CEP135: variants seen among roughly 807,000 people sequenced by gnomAD.
CEP135 encodes centrosomal protein 135, also known as centrosomal protein of 135 kDa.
A neutral mutation model predicts 157.3 loss-of-function variants in CEP135; 142 were observed. The ratio of observed to expected loss-of-function variants is 0.90; its 90% CI spans 0.79 to 1.04. The LOEUF is 1.04. Among genes scored for constraint, CEP135 ranks in the 50% least tolerant of loss-of-function variants. CEP135 has a pLI of 0.00. For synonymous variants in CEP135, 396 were observed against 439.8 expected (o/e 0.90, Z 1.25); for missense variants, 1,317 against 1,309.2 (o/e 1.01, Z -0.09).
chr4:56,012,694 C>T (rs991304440), intron 21 of CEP135, among the ~76,000 whole-genome samples: 6 of 152,298 alleles, frequency 3.9e-5, no homozygotes, highest in South Asian at 2.1e-4. Context: ...CAAGGTTCAT[C>T]CATATTGTGT....
At chr4:55,982,831 C>A (rs992706203) in intron 13 of CEP135, among the ~76,000 whole-genome samples, 2 of 151,776 alleles carry the variant, frequency 1.3e-5, no homozygotes, top group African/African-American at 4.8e-5. Flanking sequence ...TATCTAGGGT[C>A]AGTACTTTAT....
chr4:55,963,512 G>A (rs907448702), intron 6 of CEP135, among the ~76,000 whole-genome samples: 18 of 152,210 alleles, frequency 1.2e-4, no homozygotes, highest in Non-Finnish European at 4.4e-5. Flanking sequence ...TTGGGAGGCC[G>A]AGGCAGGCGG....
At chr4:56,006,884 TTTG>T (rs1730364767) in intron 17 of CEP135, among the ~76,000 whole-genome samples, 3 of 152,174 alleles carry the variant, frequency 2.0e-5, no homozygotes, top group East Asian at 1.9e-4. Flanking sequence ...TGGCTTGTTT[TTTG>T]TTGTTGTTTT....
At chr4:56,030,514 G>A (rs1248941151) in intron 25 of CEP135, among the ~76,000 whole-genome samples, 1 of 152,194 alleles carries the variant, frequency 6.6e-6, no homozygotes, top group East Asian at 1.9e-4. Context: ...GAGGTGCAGT[G>A]TGCCATCAGA....
chr4:55,987,563 C>G lies in CEP135; in HGVS notation c.1857+2205C>G, dbSNP rs566421395. Among the ~76,000 whole-genome samples the G allele has an allele frequency of 3.9e-5, 6 of 152,290 alleles. No homozygotes were observed. In the South Asian group the frequency reaches 1.2e-3, roughly 32 times the overall value. On this transcript the variant is annotated intron_variant, in intron 14 of 25. Transcript: ENST00000257287. ...AGCTCATCACATTTGTTTCCTGTCT[C>G]TCAGGGGTCACCGGTCATCATTGCC...
intron 21 of CEP135, among the ~76,000 whole-genome samples, chr4:56,013,750 T>C (rs952563419): frequency 6.6e-6 from 1 of 152,202 alleles, no homozygotes; most frequent in African/African-American, 2.4e-5. Flanking sequence ...ATTTTTATCT[T>C]TCAGGAGAAA....
chr4:56,019,327 G>A (rs770262047), intron 22 of CEP135, 26 bp from the exon 23 acceptor site: 4 of 1,567,170 alleles, frequency 2.6e-6, no homozygotes, highest in South Asian at 2.3e-5. Context: ...TTGTACTGAA[G>A]TAATCTTACT....
At chr4:55,949,848 C>A (rs946499466) in intron 1 of CEP135, among the ~76,000 whole-genome samples, 1 of 152,132 alleles carries the variant, frequency 6.6e-6, no homozygotes, top group African/African-American at 2.4e-5. Flanking sequence ...GATTTTAATC[C>A]GTCCTGTGTA....
In CEP135 at chr4:55,991,914, T is replaced by G. The variant is rs1165741735; in HGVS notation, c.1858-20T>G. 2.3e-6 allele frequency: 3 copies of G among 1,307,850 alleles called. No individual in the cohort carries two copies. The highest frequency in any genetic ancestry group is 3.2e-6 in the Non-Finnish European group (3 of 949,266). The allele number at this position is 1,307,850 out of a possible 1,614,324, so 81.0% of individuals were successfully genotyped here. On this transcript the variant is annotated intron_variant, in intron 14 of 25. Coordinates refer to ENST00000257287, the MANE Select transcript of CEP135 (RefSeq NM_025009.5). ...AACGTATTAAGATATATACCTACTG[T>G]TTTTTTATTTAAATTATAGCTTGAA...
chr4:56,008,515 T>C, intron 18 of CEP135, 133 bp downstream of exon 18: 1 of 674,272 alleles, frequency 1.5e-6, no homozygotes, highest in Non-Finnish European at 2.5e-6. Context: ...GGTAGCATCA[T>C]TTTCTCAGTC....
At position 55,982,434 on chromosome 4, in the gene CEP135, T is replaced by C. The variant is rs182730953; in HGVS notation, c.1779+1055T>C. Among the ~76,000 whole-genome samples the C allele has an allele frequency of 2.0e-3, 305 of 152,338 alleles. 2 individuals carry two copies. Among genetic ancestry groups the C allele is most frequent in the African/African-American group, 7.0e-3 (291 of 41,586 alleles). On this transcript the variant is annotated intron_variant, in intron 13 of 25. Transcript: ENST00000257287. ...AATTTCTCCACACTCTCACCATTAC[T>C]TGGTACTATCTGCCTTTTGTATTAT... is the stretch of plus-strand genomic sequence containing the variant.
rs926731508 is a variant in CEP135, at chr4:56,003,108, T to C, written c.2280+3463T>C. On this transcript the variant is annotated intron_variant, in intron 17 of 25. Coordinates refer to ENST00000257287, the MANE Select transcript of CEP135 (RefSeq NM_025009.5). Reference sequence around the variant, plus strand: ...ATTTTATTTATTGGGTCTTCTCTCTTTTTTTATTAGTCAACCTTAAAGGTT... The same window carrying C: ...ATTTTATTTATTGGGTCTTCTCTCTCTTTTTATTAGTCAACCTTAAAGGTT... 2.0e-5 allele frequency among the ~76,000 whole-genome samples: 3 copies of C among 152,314 alleles called. No homozygotes were observed. In the East Asian group the frequency reaches 5.8e-4, roughly 29 times the overall value.
rs1163081683 is a variant in CEP135 at position 55,999,564 on chromosome 4, T to C, written c.2199T>C (p.Asp733=). The C allele has an allele frequency of 1.9e-6, 3 of 1,611,400 alleles. No homozygotes were observed. The Admixed American group carries it at 5.0e-5, about 27-fold the overall frequency. The change falls in exon 17 of 26, where the codon GAT becomes GAC. Residue 733 remains aspartate, a synonymous_variant. Coordinates refer to ENST00000257287, the MANE Select transcript of CEP135 (RefSeq NM_025009.5). The part of the protein sequence containing the change: ...HVMKKTIGVI[D]KEKDFLQETV... ...TGAAAAAGACCATTGGTGTTATTGA[T>C]AAAGAAAAAGACTTTCTCCAGGAGA...
rs79811068 is a variant in CEP135 at position 55,981,575 on chromosome 4, G to T, written c.1779+196G>T. On this transcript the variant is annotated intron_variant, in intron 13 of 25. Coordinates refer to ENST00000257287, the MANE Select transcript of CEP135 (RefSeq NM_025009.5). Reference sequence around the variant, plus strand: ...TGGATTACCTTGCTTATTTGTTTATGTATTATCTTTAGCTTCTTTTGTAGT... The same window carrying T: ...TGGATTACCTTGCTTATTTGTTTATTTATTATCTTTAGCTTCTTTTGTAGT... Among the ~76,000 whole-genome samples, 762 of 152,194 alleles carry T rather than the reference G, an allele frequency of 5.0e-3. 10 individuals are homozygous for T. Among genetic ancestry groups the T allele is most frequent in the African/African-American group, 0.018 (740 of 41,540 alleles).
chr4:55,992,181 C>A, intron 15 of CEP135, 96 bp downstream of exon 15: 1 of 1,218,366 alleles, frequency 8.2e-7, no homozygotes, highest in Non-Finnish European at 1.1e-6. Context: ...GGCCTTTGTG[C>A]AGTAGTTTTA....
chr4:55,998,516 G>T (rs971135021), intron 15 of CEP135, among the ~76,000 whole-genome samples: 3 of 152,090 alleles, frequency 2.0e-5, no homozygotes, highest in African/African-American at 4.8e-5. Flanking sequence ...CCTGCTTTCT[G>T]TCACTCCATT....
intron 17 of CEP135, among the ~76,000 whole-genome samples, chr4:56,006,974 AC>A (rs1421555697): frequency 6.6e-6 from 1 of 151,952 alleles, no homozygotes. Context: ...ACTCACTGCA[AC>A]CTCCGTCTCC....
At chr4:55,976,117 A>G (rs1729205373) in intron 11 of CEP135, among the ~76,000 whole-genome samples, 1 of 151,878 alleles carries the variant, frequency 6.6e-6, no homozygotes, top group African/African-American at 2.4e-5. Flanking sequence ...AGCTGAGCAT[A>G]GTGGCATGCA....
chr4:56,004,500 GGGT>G (rs1272457143), intron 17 of CEP135, among the ~76,000 whole-genome samples: 1 of 152,138 alleles, frequency 6.6e-6, no homozygotes, highest in Non-Finnish European at 1.5e-5. Flanking sequence ...ACTGATAGTG[GGGT>G]GGTGAAGTCC....
Sources: gnomAD v4.1 joint callset for allele counts (sites outside exome capture counted in the v4.1 genomes callset) on GRCh38, gnomAD v4.1.1 for gene constraint, MANE v1.5 for transcripts, NCBI Gene and HGNC (gene_info 2026-07-23, HGNC 2026-07-21) for gene names.